Variants in PDPN observed in about 807,000 individuals in gnomAD.
PDPN encodes podoplanin.
In PDPN, 12 loss-of-function variants were observed where a neutral mutation model predicts 23.2. That is an observed-to-expected ratio of 0.52 (90% confidence interval 0.33 to 0.84). The LOEUF is 0.84. PDPN is among the 40% of genes least tolerant of loss of function. PDPN has a pLI of 0.02. For synonymous variants in PDPN, 77 were observed against 76.7 expected, an observed-to-expected ratio of 1.00 and a Z score of -0.02; for missense variants, 199 against 212.2, an observed-to-expected ratio of 0.94 and a Z score of 0.39.
chr1:13,592,957 C>T (rs749843924), intron 1 of PDPN, among the ~76,000 whole-genome samples: 3 of 152,168 alleles, frequency 2.0e-5, no homozygotes, highest in Non-Finnish European at 4.4e-5. Context: ...ATATGTCTAT[C>T]CTCCTACCAG....
chr1:13,584,068 G>A lies in PDPN; in HGVS notation c.35G>A (p.Gly12Glu), dbSNP rs140760055. ...WKVSALLFVL[G>E]SASLWVLAEG... is the part of the protein sequence containing the mutation. ...GTGTCAGCTCTGCTCTTCGTTTTGGGAAGCGCGTCGCTCTGGGTCCTGGCA... is the reference window on the plus strand; with the variant it reads ...GTGTCAGCTCTGCTCTTCGTTTTGGAAAGCGCGTCGCTCTGGGTCCTGGCA... The change falls in exon 1 of 6, where the codon GGA becomes GAA. Residue 12 changes from glycine to glutamate, a missense_variant. Gly to Glu is a moderately conservative substitution (Grantham distance 98). Transcript: ENST00000621990. 3 of 1,613,152 alleles carry A rather than the reference G, an allele frequency of 1.9e-6. No individual in the cohort carries two copies. Among genetic ancestry groups the A allele is most frequent in the Non-Finnish European group, 2.5e-6 (3 of 1,179,998 alleles).
intron 3 of PDPN, among the ~76,000 whole-genome samples, chr1:13,612,756 T>C (rs1300415498): frequency 6.6e-6 from 1 of 152,148 alleles, no homozygotes; most frequent in East Asian, 1.9e-4. Context: ...ACCCAACCAT[T>C]AGAAAAAGTA....
chr1:13,587,874 C>T (rs1426897116), intron 1 of PDPN, among the ~76,000 whole-genome samples: 3 of 152,190 alleles, frequency 2.0e-5, no homozygotes, highest in Admixed American at 6.5e-5. Flanking sequence ...TGTCCACCGG[C>T]CTGTTGGCAG....
intron 1 of PDPN, among the ~76,000 whole-genome samples, chr1:13,601,493 A>G (rs1019599328): frequency 6.6e-6 from 1 of 152,206 alleles, no homozygotes; most frequent in African/African-American, 2.4e-5. Flanking sequence ...AGTAGCTGGG[A>G]CTGCAGGCAT....
intron 1 of PDPN, among the ~76,000 whole-genome samples, chr1:13,606,460 G>A (rs1003788200): frequency 6.6e-6 from 1 of 152,138 alleles, no homozygotes. Flanking sequence ...GGTTCTAATT[G>A]TCCAAGTGAA....
intron 2 of PDPN, among the ~76,000 whole-genome samples, chr1:13,608,087 G>A (rs1009513835): frequency 6.6e-6 from 1 of 152,034 alleles, no homozygotes; most frequent in Non-Finnish European, 1.5e-5. Flanking sequence ...CCTGGGCAAC[G>A]AGAGTGAAAC....
chr1:13,595,733 T>C (rs901919397), intron 1 of PDPN: 1 of 517,074 alleles, frequency 1.9e-6, no homozygotes, highest in South Asian at 1.5e-5. Flanking sequence ...TGAATGGGCA[T>C]GGCGCTGCTC....
At chr1:13,595,793 G>T (rs748380102) in intron 1 of PDPN, 18 of 1,050,246 alleles carry the variant, frequency 1.7e-5, no homozygotes, top group Non-Finnish European at 2.3e-5. Flanking sequence ...CAGGTGCCGT[G>T]CTATCTTCAG....
chr1:13,595,833 G>A (rs1640481234), intron 1 of PDPN: 2 of 1,277,388 alleles, frequency 1.6e-6, no homozygotes, highest in Non-Finnish European at 2.0e-6. Flanking sequence ...ACAGGGGAAG[G>A]CGTTTAACAA....
chr1:13,586,585 C>G (rs1397934437), intron 1 of PDPN, among the ~76,000 whole-genome samples: 1 of 152,058 alleles, frequency 6.6e-6, no homozygotes, highest in East Asian at 1.9e-4. Flanking sequence ...GGCCAAAGGA[C>G]ACAACCATCC....
rs1389257691 is a variant in PDPN, at chr1:13,592,702, C to T, written c.67+8602C>T. Among the ~76,000 whole-genome samples, 5 of 152,220 alleles carry T rather than the reference C, an allele frequency of 3.3e-5. No homozygotes were observed. In the East Asian group the frequency reaches 9.7e-4, roughly 29 times the overall value. On this transcript the variant is annotated intron_variant, in intron 1 of 5. Transcript: ENST00000621990. ...TAGCTGGGATTACAGGCATGCACCA[C>T]CACACCCGGCTAATTTTTGTATTTT...
At chr1:13,601,374 T>C (rs1420356194) in intron 1 of PDPN, among the ~76,000 whole-genome samples, 1 of 152,202 alleles carries the variant, frequency 6.6e-6, no homozygotes, top group Non-Finnish European at 1.5e-5. Flanking sequence ...TTGTTTGTTT[T>C]GGGACCATGT....
intron 4 of PDPN, 56 bp downstream of exon 4, chr1:13,613,781 T>G (rs1023413428): frequency 7.5e-6 from 7 of 936,120 alleles, no homozygotes; most frequent in Non-Finnish European, 1.2e-5. Context: ...AAAATTTCTT[T>G]GAAGCTAATT....
chr1:13,590,908 TGTG>T (rs1346950542), intron 1 of PDPN, among the ~76,000 whole-genome samples: 3 of 151,836 alleles, frequency 2.0e-5, no homozygotes, highest in Admixed American at 2.0e-4. Flanking sequence ...AGAGACAAAA[TGTG>T]GTGACAACAG....
intron 1 of PDPN, among the ~76,000 whole-genome samples, chr1:13,601,815 A>G (rs1640647023): frequency 1.3e-5 from 2 of 152,258 alleles, no homozygotes; most frequent in Admixed American, 6.5e-5. Flanking sequence ...AAAATATTAA[A>G]CGTAAGTACA....
chr1:13,598,257 T>C (rs1640549102), intron 1 of PDPN, among the ~76,000 whole-genome samples: 1 of 152,070 alleles, frequency 6.6e-6, no homozygotes, highest in Non-Finnish European at 1.5e-5. Flanking sequence ...CCTCAGGTGA[T>C]CTGCCCTCCT....
intron 1 of PDPN, among the ~76,000 whole-genome samples, chr1:13,597,017 C>T (rs1005222366): frequency 1.3e-5 from 2 of 151,854 alleles, no homozygotes; most frequent in African/African-American, 2.4e-5. Context: ...AGTTTTGAGA[C>T]GTGATAGAAA....
intron 1 of PDPN, among the ~76,000 whole-genome samples, chr1:13,599,173 G>T (rs1415727322): frequency 1.3e-5 from 2 of 151,502 alleles, no homozygotes; most frequent in African/African-American, 4.9e-5. Flanking sequence ...ACCACGCCTG[G>T]CTAATTTTTT....
At chr1:13,589,099 A>G (rs1025402588) in intron 1 of PDPN, among the ~76,000 whole-genome samples, 1 of 143,758 alleles carries the variant, frequency 7.0e-6, no homozygotes, top group African/African-American at 2.6e-5. Context: ...AAGGTGTCAT[A>G]TGTGGTGACT....
Sources: gnomAD v4.1 joint callset for allele counts (sites outside exome capture counted in the v4.1 genomes callset) on GRCh38, gnomAD v4.1.1 for gene constraint, MANE v1.5 for transcripts, NCBI Gene and HGNC (gene_info 2026-07-23, HGNC 2026-07-21) for gene names.